Variants in ACOX2 observed in about 807,000 individuals in gnomAD.
ACOX2 encodes peroxisomal acyl-coenzyme A oxidase 2.
In ACOX2, 59 loss-of-function variants were observed where a neutral mutation model predicts 77.5. The observed-to-expected ratio is 0.76, with a 90% CI of 0.62 to 0.95. The LOEUF (loss-of-function observed/expected upper bound fraction) is 0.95. Ranked by LOEUF, ACOX2 falls within the 40% of genes least tolerant of loss-of-function variation. The pLI, the probability that ACOX2 is intolerant of heterozygous loss-of-function variation, is 0.00. For synonymous variants in ACOX2, 317 were observed against 340.1 expected (o/e 0.93, Z 0.75); for missense variants, 837 against 880.4 (o/e 0.95, Z 0.62).
At chr3:58,509,482 A>G (rs1275414029) in intron 13 of ACOX2, among the ~76,000 whole-genome samples, 1 of 151,802 alleles carries the variant, frequency 6.6e-6, no homozygotes, top group Non-Finnish European at 1.5e-5. Context: ...AGTGGAGATT[A>G]TGCCACTGCA....
intron 13 of ACOX2, chr3:58,511,284 T>C (rs145257572): frequency 1.1e-4 from 38 of 348,678 alleles, no homozygotes; most frequent in African/African-American, 8.0e-4. Flanking sequence ...TTCTTTTTAC[T>C]GTAGGCCTGG....
intron 12 of ACOX2, among the ~76,000 whole-genome samples, chr3:58,518,075 C>CAAAAAAAAAAAAAAAAAAAAAAA (rs763535906): frequency 2.1e-5 from 1 of 47,678 alleles, no homozygotes. Flanking sequence ...AACTCCATCT[C>CAAAAAAAAAAAAAAAAAAAAAAA]AAAAAAAAAA....
rs758676595 is a variant in ACOX2, at chr3:58,531,665, G to T, written c.703+28C>A. The T allele has an allele frequency of 1.9e-6, 3 of 1,610,634 alleles. No homozygotes were observed. The highest frequency in any genetic ancestry group is 2.2e-5 in the East Asian group (1 of 44,852). ...CCACCTGGGCTCTCCTCCTGGCAGG[G>T]TTCCTTGAGGGAGCATTATGGGCTT... is the stretch of plus-strand genomic sequence containing the variant. On this transcript the variant is annotated intron_variant, in intron 6 of 14. Transcript: ENST00000302819. The surrounding 1 kb of genome is among the most constrained non-coding windows in gnomAD (Gnocchi z 5.8).
At position 58,534,564 on chromosome 3, in the gene ACOX2, G is replaced by C. The variant is rs376975811; in HGVS notation, c.161-42C>G. The C allele has an allele frequency of 1.7e-5, 27 of 1,613,876 alleles. No individual in the cohort carries two copies. The African/African-American group carries it at 3.6e-4, about 22-fold the overall frequency. On this transcript the variant is annotated intron_variant, in intron 2 of 14. Coordinates refer to ENST00000302819, the MANE Select transcript of ACOX2 (RefSeq NM_003500.4). This position sits in a 1 kb window ranked among gnomAD's most constrained non-coding sequence, Gnocchi z 4.8. ...ACAGAGGGCTTAGGGACCTGGGTGA[G>C]GTTTCTGGCACCTTGAAATCTTCTC...
In ACOX2 at chr3:58,522,284, A is replaced by C. The variant is rs2063363907; in HGVS notation, c.1632+212T>G. Among the ~76,000 whole-genome samples, 1 of 152,240 alleles carries C rather than the reference A, an allele frequency of 6.6e-6. No homozygotes were observed. Among genetic ancestry groups the C allele is most frequent in the Non-Finnish European group, 1.5e-5 (1 of 68,050 alleles). On this transcript the variant is annotated intron_variant, in intron 12 of 14. Coordinates refer to ENST00000302819, the MANE Select transcript of ACOX2 (RefSeq NM_003500.4). The surrounding 1 kb of genome is among the most constrained non-coding windows in gnomAD (Gnocchi z 4.3). ...GAAGCAAATCCAATAACACTGCCTC[A>C]TTACCTTTTCCCCTAAGAGCTGCCA...
intron 13 of ACOX2, among the ~76,000 whole-genome samples, chr3:58,513,955 A>G (rs1369451759): frequency 6.6e-6 from 1 of 152,168 alleles, no homozygotes; most frequent in Non-Finnish European, 1.5e-5. Flanking sequence ...CTTGCAGGGT[A>G]CTAGTCTGGC....
rs764824087 is a variant in ACOX2, at chr3:58,535,502, T to C, written c.-91-305A>G. Among the ~76,000 whole-genome samples the C allele has an allele frequency of 1.3e-5, 2 of 152,130 alleles. No individual in the cohort carries two copies. Among genetic ancestry groups the C allele is most frequent in the African/African-American group, 2.4e-5 (1 of 41,430 alleles). ...CAAAAAAGTCAGTGAAGCTTACACC[T>C]GAAGAAAATAATCCTGGAGAGGTTG... On this transcript the variant is annotated intron_variant, in intron 1 of 14. Transcript: ENST00000302819. This position sits in a 1 kb window ranked among gnomAD's most constrained non-coding sequence, Gnocchi z 4.8.
chr3:58,508,049 G>T (rs765138451), intron 14 of ACOX2, among the ~76,000 whole-genome samples: 2 of 152,182 alleles, frequency 1.3e-5, no homozygotes, highest in Non-Finnish European at 1.5e-5. Context: ...TGTACCTATA[G>T]ACTTTTTGTT....
At chr3:58,510,673 T>G (rs1179256823) in intron 13 of ACOX2, among the ~76,000 whole-genome samples, 1 of 9,962 alleles carries the variant, frequency 1.0e-4, no homozygotes, top group Non-Finnish European at 1.6e-4. Context: ...AATATATATA[T>G]ATATATATAT....
chr3:58,534,797 T>C lies in ACOX2; in HGVS notation c.160+150A>G. The C allele has an allele frequency of 7.1e-7, 1 of 1,405,704 alleles. No homozygotes were observed. The highest frequency in any genetic ancestry group is 1.2e-5 in the South Asian group (1 of 81,328). The allele number at this position is 1,405,704 out of a possible 1,614,324, so 87.1% of individuals were successfully genotyped here. A position where few individuals can be genotyped will look rare whatever the true frequency, so the allele number is the denominator to read the frequency against. ...TCAGGCAATATTGACATGTGAAGAT[T>C]GTCTTTACAGTTCGAAGGAATGAAT... On this transcript the variant is annotated intron_variant, in intron 2 of 14. Coordinates refer to ENST00000302819, the MANE Select transcript of ACOX2 (RefSeq NM_003500.4). The surrounding 1 kb of genome is among the most constrained non-coding windows in gnomAD (Gnocchi z 4.8).
At position 58,509,215 on chromosome 3, in the gene ACOX2, C is replaced by T. The variant is rs540806160; in HGVS notation, c.1851-190G>A. Among the ~76,000 whole-genome samples the T allele has an allele frequency of 4.9e-4, 73 of 148,644 alleles. 1 individual carries two copies. In the South Asian group the frequency reaches 0.013, roughly 27 times the overall value. On this transcript the variant is annotated intron_variant, in intron 13 of 14. Transcript: ENST00000302819. ...CATAGTATAATGAGTCAAAGGGTTC[C>T]GTAAGGCTTGTTTAAAAAAACAGCA...
rs908797374 is a variant in ACOX2, at chr3:58,509,148, A to G, written c.1851-123T>C. 4 of 1,210,262 alleles carry G rather than the reference A, an allele frequency of 3.3e-6. No individual in the cohort carries two copies. The East Asian group carries it at 7.3e-5, about 22-fold the overall frequency. The allele number at this position is 1,210,262 out of a possible 1,614,324, so 75.0% of individuals were successfully genotyped here. The stretch of plus-strand genomic sequence containing the variant: ...TGATTATTCGCTTTTCAAACAATTC[A>G]GCATTTTTTTTTAGTTTTTATTTTT... On this transcript the variant is annotated intron_variant, in intron 13 of 14. Transcript: ENST00000302819.
chr3:58,506,376 C>T lies in ACOX2; in HGVS notation c.1984-1090G>A, dbSNP rs530469692. Among the ~76,000 whole-genome samples, 5 of 152,320 alleles carry T rather than the reference C, an allele frequency of 3.3e-5. No individual in the cohort carries two copies. In the East Asian group the frequency reaches 7.7e-4, roughly 23 times the overall value. On this transcript the variant is annotated intron_variant, in intron 14 of 14. Coordinates refer to ENST00000302819, the MANE Select transcript of ACOX2 (RefSeq NM_003500.4). Reference sequence around the variant, plus strand: ...CTGCCCCAGACAGAAGAGAGCTTCTCCTATGATTCTAAGATGTTTACCTTA... The same window carrying T: ...CTGCCCCAGACAGAAGAGAGCTTCTTCTATGATTCTAAGATGTTTACCTTA...
chr3:58,511,665 A>G (rs964059216), intron 13 of ACOX2: 3 of 152,590 alleles, frequency 2.0e-5, no homozygotes, highest in African/African-American at 7.3e-5. Flanking sequence ...AAGTTCAAAG[A>G]AAGGTACAAG....
At position 58,531,601 on chromosome 3, in the gene ACOX2, G is replaced by T; in HGVS notation, c.703+92C>A. 6.5e-7 allele frequency: 1 copy of T among 1,538,912 alleles called. No homozygotes were observed. The highest frequency in any genetic ancestry group is 8.8e-7 in the Non-Finnish European group (1 of 1,138,846). Reference sequence around the variant, plus strand: ...CCCTGCCCAAGGGAGACATGTCTTAGCTACTCCTGTGGCCCTCTGGGGCCC... The same window carrying T: ...CCCTGCCCAAGGGAGACATGTCTTATCTACTCCTGTGGCCCTCTGGGGCCC... On this transcript the variant is annotated intron_variant, in intron 6 of 14. Coordinates refer to ENST00000302819, the MANE Select transcript of ACOX2 (RefSeq NM_003500.4). This position sits in a 1 kb window ranked among gnomAD's most constrained non-coding sequence, Gnocchi z 5.8.
chr3:58,532,306 C>T (rs1448174813), intron 5 of ACOX2, among the ~76,000 whole-genome samples: 1 of 152,124 alleles, frequency 6.6e-6, no homozygotes, highest in Non-Finnish European at 1.5e-5. Context: ...TCATTTTTGA[C>T]AGTGGTCATT....
intron 12 of ACOX2, among the ~76,000 whole-genome samples, chr3:58,520,967 G>A (rs1372209336): frequency 2.0e-5 from 3 of 152,202 alleles, no homozygotes; most frequent in African/African-American, 4.8e-5. Flanking sequence ...AATAATGTCA[G>A]TCTCCCTCCC....
In ACOX2 at chr3:58,505,209, A is replaced by AT; in HGVS notation, c.*14dup. ...CATGATGGTGCTGGTTGCTTCTTGA[A>AT]TACTGTTGGTTATTTCATAGCTTGG... On this transcript the variant is annotated 3_prime_UTR_variant, in exon 15 of 15. Transcript: ENST00000302819. The surrounding 1 kb of genome is among the most constrained non-coding windows in gnomAD (Gnocchi z 4.4). 1 of 1,609,156 alleles carries AT rather than the reference A, an allele frequency of 6.2e-7. No individual in the cohort carries two copies. The highest frequency in any genetic ancestry group is 8.5e-7 in the Non-Finnish European group (1 of 1,177,022).
Position 58,505,434 on chromosome 3 carries a change from G to T in ACOX2, c.1984-148C>A. 1 of 635,210 alleles carries T rather than the reference G, an allele frequency of 1.6e-6. No homozygotes were observed. Among genetic ancestry groups the T allele is most frequent in the Non-Finnish European group, 2.5e-6 (1 of 401,930 alleles). The allele number at this position is 635,210 out of a possible 1,614,324, so 39.3% of individuals were successfully genotyped here. A position where few individuals can be genotyped will look rare whatever the true frequency, so the allele number is the denominator to read the frequency against. The stretch of plus-strand genomic sequence containing the variant: ...ATTATTTCTAAGACTCATTTTGTGT[G>T]AACATATGGAGAAACATTTTTTCCA... On this transcript the variant is annotated intron_variant, in intron 14 of 14. Coordinates refer to ENST00000302819, the MANE Select transcript of ACOX2 (RefSeq NM_003500.4). This position sits in a 1 kb window ranked among gnomAD's most constrained non-coding sequence, Gnocchi z 4.4.
Sources: gnomAD v4.1 joint callset for allele counts (sites outside exome capture counted in the v4.1 genomes callset) on GRCh38, gnomAD v4.1.1 for gene constraint, Gnocchi (gnomAD v3.1) non-coding constraint, MANE v1.5 for transcripts, NCBI Gene and HGNC (gene_info 2026-07-23, HGNC 2026-07-21) for gene names.